Variants in C6 observed in about 807,000 individuals in gnomAD.
C6 encodes the protein complement component C6.
A neutral mutation model predicts 112.9 loss-of-function variants in C6; 101 were observed. The observed-to-expected ratio is 0.89, with a 90% CI of 0.76 to 1.06. The LOEUF is 1.06. C6 is among the 50% of genes least tolerant of loss of function. C6 has a pLI of 0.00. For synonymous variants in C6, 431 were observed against 384.1 expected (o/e 1.12, Z -1.43); for missense variants, 1,202 against 1,104.6 (o/e 1.09, Z -1.25).
chr5:41,204,670 C>CTTTTTTTTTTTTTTTT (rs1196116815), intron 1 of C6, among the ~76,000 whole-genome samples: 4 of 98,584 alleles, frequency 4.1e-5, no homozygotes, highest in Middle Eastern at 5.2e-3. Context: ...TTTTTTTTTT[C>CTTTTTTTTTTTTTTTT]TTTTTTTTTT....
chr5:41,216,462 A>T (rs1376633588), upstream of C6, among the ~76,000 whole-genome samples: 1 of 151,950 alleles, frequency 6.6e-6, no homozygotes, highest in Non-Finnish European at 1.5e-5. Context: ...TTGAGATTTC[A>T]TCTACTTCCA....
At chr5:41,220,293 T>C (rs1200188762) in intron 1 of C6, among the ~76,000 whole-genome samples, 1 of 152,166 alleles carries the variant, frequency 6.6e-6, no homozygotes, top group Non-Finnish European at 1.5e-5. Flanking sequence ...TAGTGTATTA[T>C]TTAAAAAGGA....
At chr5:41,190,959 A>G (rs202199290) in intron 5 of C6, among the ~76,000 whole-genome samples, 1 of 151,306 alleles carries the variant, frequency 6.6e-6, no homozygotes, top group South Asian at 2.1e-4. Flanking sequence ...CCATTGGTCT[A>G]TGCATCTATT....
intron 16 of C6, 104 bp downstream of exon 16, chr5:41,149,831 T>C: frequency 1.2e-6 from 1 of 813,266 alleles, no homozygotes; most frequent in Admixed American, 1.8e-5. Context: ...GGAAAATTCA[T>C]TTATTTCATG....
intron 1 of C6, among the ~76,000 whole-genome samples, chr5:41,252,358 G>C (rs1457057448): frequency 1.3e-5 from 2 of 152,154 alleles, no homozygotes; most frequent in Non-Finnish European, 2.9e-5. Flanking sequence ...TTCAGGCCTT[G>C]TTGGGAGGGG....
chr5:41,156,362 G>T (rs1203071949), intron 13 of C6, among the ~76,000 whole-genome samples: 1 of 152,074 alleles, frequency 6.6e-6, no homozygotes, highest in African/African-American at 2.4e-5. Flanking sequence ...CTCATGCAAA[G>T]CTCTATTTTT....
chr5:41,210,337 C>T (rs1011956632), intron 1 of C6, among the ~76,000 whole-genome samples: 1 of 152,168 alleles, frequency 6.6e-6, no homozygotes, highest in African/African-American at 2.4e-5. Flanking sequence ...ACACCAAAAG[C>T]AATGGCAACA....
At chr5:41,165,359 A>G (rs143284675) in intron 9 of C6, among the ~76,000 whole-genome samples, 2 of 152,288 alleles carry the variant, frequency 1.3e-5, no homozygotes, top group African/African-American at 4.8e-5. Context: ...ATATTGCCAA[A>G]TAGTTTCCAA....
In C6 at chr5:41,199,849, C is replaced by T; in HGVS notation, c.364G>A (p.Val122Ile). The change falls in exon 4 of 18, where the codon GTA (valine) becomes ATA (isoleucine). Residue 122 changes from valine (V) to isoleucine (I), a missense_variant. Physicochemically the swap from Val to Ile is conservative, Grantham distance 29. Transcript: ENST00000337836. ...FGGQPCTAPLVAFQPCIPSKL... is the reference protein window; with the variant it reads ...FGGQPCTAPLIAFQPCIPSKL... ...GATGGAATGCATGGTTGAAAGGCTA[C>T]CAGAGGCGCAGTGCATGGCTGTCCC... The T allele has an allele frequency of 6.2e-7, 1 of 1,613,606 alleles. No homozygotes were observed. The highest frequency in any genetic ancestry group is 8.5e-7 in the Non-Finnish European group (1 of 1,179,644).
In C6 at chr5:41,195,828, T is replaced by C; in HGVS notation, c.551A>G (p.Tyr184Cys). 6.2e-7 allele frequency: 1 copy of C among 1,614,000 alleles called. No individual in the cohort carries two copies. Among genetic ancestry groups the C allele is most frequent in the Non-Finnish European group, 8.5e-7 (1 of 1,179,904 alleles). The change falls in exon 5 of 18, where the codon TAT becomes TGT. Residue 184 changes from tyrosine to cysteine, a missense_variant. Coordinates refer to ENST00000337836, the MANE Select transcript of C6 (RefSeq NM_000065.5). ...CAACTGTACACTAGGGATGGGATTA[T>C]ACTTCCGTGTGCATACTGCCTTTGT... ...GRTKAVCTRKYNPIPSVQLMG... is the reference protein window; with the variant it reads ...GRTKAVCTRKCNPIPSVQLMG...
chr5:41,149,536 G>A (rs1746178951), intron 16 of C6, 54 bp from the exon 17 acceptor site: 1 of 1,608,056 alleles, frequency 6.2e-7, no homozygotes. Flanking sequence ...AAAAAACAGG[G>A]GGCACGTAGC....
intron 9 of C6, among the ~76,000 whole-genome samples, chr5:41,166,575 T>A (rs1297960837): frequency 6.6e-6 from 1 of 152,080 alleles, no homozygotes; most frequent in Admixed American, 6.6e-5. Context: ...ACATTTATAA[T>A]GTGCTAAACA....
At chr5:41,166,948 C>T (rs1009553305) in intron 9 of C6, among the ~76,000 whole-genome samples, 1 of 152,098 alleles carries the variant, frequency 6.6e-6, no homozygotes, top group African/African-American at 2.4e-5. Context: ...TAGTTTTATA[C>T]AGTAAATGAA....
chr5:41,174,336 C>T (rs531124062), intron 8 of C6, among the ~76,000 whole-genome samples: 1 of 152,264 alleles, frequency 6.6e-6, no homozygotes, highest in Admixed American at 6.5e-5. Context: ...TGTTCCTCTG[C>T]TGTGGAGCAC....
At chr5:41,190,700 C>T (rs1283366477) in intron 5 of C6, among the ~76,000 whole-genome samples, 1 of 152,048 alleles carries the variant, frequency 6.6e-6, no homozygotes, top group African/African-American at 2.4e-5. Flanking sequence ...AGGGTTTTCC[C>T]CTACATTTTT....
chr5:41,236,408 C>T (rs1031292387), intron 1 of C6, among the ~76,000 whole-genome samples: 1 of 151,514 alleles, frequency 6.6e-6, no homozygotes, highest in Admixed American at 6.6e-5. Context: ...CATTATTTCT[C>T]AGGATTAAGA....
At chr5:41,233,917 T>C (rs1175397181) in intron 1 of C6, among the ~76,000 whole-genome samples, 1 of 152,112 alleles carries the variant, frequency 6.6e-6, no homozygotes, top group Non-Finnish European at 1.5e-5. Context: ...ATAATAAATA[T>C]ATGACAGCAT....
At chr5:41,224,363 T>C (rs1739354264) in intron 1 of C6, among the ~76,000 whole-genome samples, 1 of 152,146 alleles carries the variant, frequency 6.6e-6, no homozygotes, top group African/African-American at 2.4e-5. Context: ...TTTTTATCAC[T>C]CAAAAGAAAC....
At chr5:41,148,614 T>C (rs1048841430) in intron 17 of C6, among the ~76,000 whole-genome samples, 2 of 152,186 alleles carry the variant, frequency 1.3e-5, no homozygotes, top group African/African-American at 2.4e-5. Flanking sequence ...GGGCCAGAGA[T>C]GACTCCACAG....
Sources: allele counts gnomAD v4.1 joint callset (sites outside exome capture counted in the v4.1 genomes callset), GRCh38; gene constraint gnomAD v4.1.1; transcripts MANE v1.5; gene names NCBI Gene and HGNC (gene_info 2026-07-23, HGNC 2026-07-21).